LIN28B: variants seen among roughly 807,000 people sequenced by gnomAD.
LIN28B encodes protein lin-28 homolog B.
In LIN28B, 5 loss-of-function variants were observed where a neutral mutation model predicts 21.9. The ratio of observed to expected loss-of-function variants is 0.23; its 90% CI spans 0.12 to 0.48. The LOEUF (loss-of-function observed/expected upper bound fraction) is 0.48. Among genes scored for constraint, LIN28B ranks in the 20% least tolerant of loss-of-function variants. The pLI, the probability that LIN28B is intolerant of heterozygous loss-of-function variation, is 0.98. For synonymous variants in LIN28B, 109 were observed against 111.3 expected (o/e 0.98, Z 0.13); for missense variants, 245 against 310.5 (o/e 0.79, Z 1.58).
chr6:104,986,840 C>A (rs1348461045), intron 2 of LIN28B, among the ~76,000 whole-genome samples: 11 of 152,220 alleles, frequency 7.2e-5, no homozygotes, highest in African/African-American at 2.7e-4. Flanking sequence ...AACTCTAGGA[C>A]TAATTTTGCC....
chr6:105,062,845 C>T (rs912114483), intron 3 of LIN28B, among the ~76,000 whole-genome samples: 10 of 151,854 alleles, frequency 6.6e-5, no homozygotes, highest in African/African-American at 2.2e-4. Context: ...CATTTTTAGA[C>T]ATTGATTAGA....
intron 3 of LIN28B, among the ~76,000 whole-genome samples, chr6:105,037,809 C>G (rs527965168): frequency 1.3e-5 from 2 of 152,076 alleles, no homozygotes; most frequent in Admixed American, 6.5e-5. Flanking sequence ...CTGCGCCCGG[C>G]CAAGAGTTAC....
intron 2 of LIN28B, among the ~76,000 whole-genome samples, chr6:104,978,536 G>A (rs1397696687): frequency 1.3e-5 from 2 of 151,376 alleles, no homozygotes; most frequent in Admixed American, 1.3e-4. Flanking sequence ...GTCTGGTCCA[G>A]TGTCTGAAAG....
rs57532096 is a variant in LIN28B at position 105,043,341 on chromosome 6, C to CA, written c.383+16890dup. ...AGAGCAACAGAGTGAGACTCTGTCT[C>CA]AAAAAAAAAAAAAAAAAAAAAAAAA... On this transcript the variant is annotated intron_variant, in intron 3 of 3. Coordinates refer to ENST00000345080, the MANE Select transcript of LIN28B (RefSeq NM_001004317.4). 6.1e-3 allele frequency among the ~76,000 whole-genome samples: 462 copies of CA among 75,364 alleles called. 25 individuals are homozygous for CA. Among genetic ancestry groups the CA allele is most frequent in the African/African-American group, 8.6e-3 (120 of 13,884 alleles). The allele number at this position is 75,364 out of a possible 152,430, so 49.4% of individuals were successfully genotyped here.
chr6:104,957,183 A>G lies in LIN28B; in HGVS notation c.-68A>G, dbSNP rs902840880. On this transcript the variant is annotated 5_prime_UTR_variant, in exon 1 of 4. Transcript: ENST00000345080. ...AAATCAAGATGTTAGATTGATGCAGAAGATCACTCCGTTCCAAAGGGAAAG... is the reference window on the plus strand; with the variant it reads ...AAATCAAGATGTTAGATTGATGCAGGAGATCACTCCGTTCCAAAGGGAAAG... 10 of 1,613,898 alleles carry G rather than the reference A, an allele frequency of 6.2e-6. No individual in the cohort carries two copies. The highest frequency in any genetic ancestry group is 8.5e-6 in the Non-Finnish European group (10 of 1,179,812).
intron 3 of LIN28B, among the ~76,000 whole-genome samples, chr6:105,030,638 C>T (rs1295600483): frequency 6.8e-6 from 1 of 146,590 alleles, no homozygotes; most frequent in Non-Finnish European, 1.5e-5. Flanking sequence ...CTCTTGTCGC[C>T]CAGTCTGGAG....
At position 105,027,518 on chromosome 6, in the gene LIN28B, T is replaced by C. The variant is rs1338938870; in HGVS notation, c.383+1036T>C. On this transcript the variant is annotated intron_variant, in intron 3 of 3. Coordinates refer to ENST00000345080, the MANE Select transcript of LIN28B (RefSeq NM_001004317.4). ...TGTTATTATTGATTTCTAAGTTCTCTTGATATATTTAGGATATGAATCTTT... is the reference window on the plus strand; with the variant it reads ...TGTTATTATTGATTTCTAAGTTCTCCTGATATATTTAGGATATGAATCTTT... Among the ~76,000 whole-genome samples, 4 of 152,076 alleles carry C rather than the reference T, an allele frequency of 2.6e-5. No individual in the cohort carries two copies. The East Asian group carries it at 7.7e-4, about 29-fold the overall frequency.
At chr6:104,974,256 C>T (rs1314790564) in intron 2 of LIN28B, among the ~76,000 whole-genome samples, 2 of 152,038 alleles carry the variant, frequency 1.3e-5, no homozygotes, top group East Asian at 3.9e-4. Flanking sequence ...TTTGGGAGGT[C>T]GAGGTGGGCA....
chr6:105,053,109 G>A (rs189550338), intron 3 of LIN28B, among the ~76,000 whole-genome samples: 44 of 151,878 alleles, frequency 2.9e-4, no homozygotes, highest in African/African-American at 8.0e-4. Context: ...TGATCTAAGT[G>A]TTATTTAAAA....
intron 3 of LIN28B, among the ~76,000 whole-genome samples, chr6:105,035,972 A>G (rs1292692909): frequency 6.6e-6 from 1 of 152,184 alleles, no homozygotes; most frequent in Non-Finnish European, 1.5e-5. Context: ...AAATAGTTTT[A>G]AAAGATGGAG....
chr6:104,959,217 G>A (rs1036979227), intron 2 of LIN28B, among the ~76,000 whole-genome samples: 3 of 152,040 alleles, frequency 2.0e-5, no homozygotes, highest in Non-Finnish European at 2.9e-5. Flanking sequence ...TCAAAAAAAG[G>A]TAAATATAAA....
chr6:105,072,124 T>A (rs1772344447), intron 3 of LIN28B, among the ~76,000 whole-genome samples: 1 of 152,056 alleles, frequency 6.6e-6, no homozygotes, highest in Non-Finnish European at 1.5e-5. Flanking sequence ...GTGTTTTAAA[T>A]TCAAGATCCT....
At chr6:105,059,758 A>G (rs1420686624) in intron 3 of LIN28B, among the ~76,000 whole-genome samples, 1 of 152,204 alleles carries the variant, frequency 6.6e-6, no homozygotes, top group East Asian at 1.9e-4. Context: ...ATAGGAATTC[A>G]TGTTTTTATT....
chr6:105,011,925 C>T (rs946697743), intron 2 of LIN28B, among the ~76,000 whole-genome samples: 1 of 151,720 alleles, frequency 6.6e-6, no homozygotes, highest in South Asian at 2.1e-4. Context: ...TTTAGGAGGC[C>T]GAGGCAGGCA....
At chr6:105,068,180 A>T (rs1285451807) in intron 3 of LIN28B, among the ~76,000 whole-genome samples, 1 of 152,224 alleles carries the variant, frequency 6.6e-6, no homozygotes, top group East Asian at 1.9e-4. Context: ...AAAACCAGTC[A>T]GGAGAAGATA....
At chr6:105,073,379 T>G (rs1772368393) in intron 3 of LIN28B, among the ~76,000 whole-genome samples, 1 of 152,190 alleles carries the variant, frequency 6.6e-6, no homozygotes, top group Non-Finnish European at 1.5e-5. Flanking sequence ...CTGCCTCCCA[T>G]TTGGAAACTT....
At chr6:104,944,377 C>T (rs1333074656) in intron 2 of LIN28B, among the ~76,000 whole-genome samples, 1 of 152,090 alleles carries the variant, frequency 6.6e-6, no homozygotes, top group Non-Finnish European at 1.5e-5. Flanking sequence ...TTAGTTGACA[C>T]TACTGGTAAG....
At position 105,081,449 on chromosome 6, in the gene LIN28B, G is replaced by GATAC. The variant is rs1772540004; in HGVS notation, c.*2670_*2673dup. 6.6e-6 allele frequency: 1 copy of GATAC among 152,610 alleles called. No individual in the cohort carries two copies. The highest frequency in any genetic ancestry group is 1.5e-5 in the Non-Finnish European group (1 of 68,034). 9.5% of individuals were successfully genotyped at this position (152,610 alleles called of 1,614,324 possible). ...TACAGCAAAAGGCTACCTCATAGTT[G>GATAC]ATACATAGCACACCTGTATGTATGC... On this transcript the variant is annotated 3_prime_UTR_variant, in exon 4 of 4. Coordinates refer to ENST00000345080, the MANE Select transcript of LIN28B (RefSeq NM_001004317.4).
chr6:105,069,256 C>T (rs908079304), intron 3 of LIN28B, among the ~76,000 whole-genome samples: 2 of 151,916 alleles, frequency 1.3e-5, no homozygotes, highest in Non-Finnish European at 2.9e-5. Flanking sequence ...CAGAATTTGG[C>T]CATGGAGAGA....
Sources: gnomAD v4.1 joint callset for allele counts (sites outside exome capture counted in the v4.1 genomes callset) on GRCh38, gnomAD v4.1.1 for gene constraint, MANE v1.5 for transcripts, NCBI Gene and HGNC (gene_info 2026-07-23, HGNC 2026-07-21) for gene names.